HECW1: variants seen among roughly 807,000 people sequenced by gnomAD.
HECW1 encodes the protein HECT, C2 and WW domain containing E3 ubiquitin protein ligase 1, also known as E3 ubiquitin-protein ligase HECW1.
Under a neutral mutation model 182.3 loss-of-function variants are expected in HECW1, and 61 were observed. That is an observed-to-expected ratio of 0.33 (90% CI 0.27 to 0.41). The LOEUF (loss-of-function observed/expected upper bound fraction) is 0.41, where lower values mean the gene tolerates loss of function less well. HECW1 is among the 10% of genes least tolerant of loss of function. The probability of loss-of-function intolerance (pLI) is 1.00; values close to 1 mark genes in which losing one functional copy is unlikely to be tolerated. For synonymous variants in HECW1, 859 were observed against 832.6 expected (o/e 1.03, Z -0.55); for missense variants, 1,739 against 2,108.9 (o/e 0.82, Z 3.44).
chr7:43,274,309 T>G lies in HECW1; in HGVS notation c.27+30377T>G. On this transcript the variant is annotated intron_variant, in intron 3 of 29. Coordinates refer to ENST00000395891, the MANE Select transcript of HECW1 (RefSeq NM_015052.5). ...CCGCTTCTGGTACTTTGTATCTCAG[T>G]TAAAGAAGATGAAGATGACTTCAGG... is the stretch of plus-strand genomic sequence containing the variant. 3 of 1,036,698 alleles carry G rather than the reference T, an allele frequency of 2.9e-6. No individual in the cohort carries two copies. The South Asian group carries it at 5.1e-5, about 18-fold the overall frequency. The allele number at this position is 1,036,698 out of a possible 1,614,324, so 64.2% of individuals were successfully genotyped here. A position where few individuals can be genotyped will look rare whatever the true frequency, so the allele number is the denominator to read the frequency against.
Position 43,291,087 on chromosome 7 carries a change from C to T in HECW1, c.28-20676C>T, listed in dbSNP as rs75552906. ...TTTCTCCTCCACGCTGTTATATGTA[C>T]AATGTTTATTTAGAAACAGAATGCT... is the stretch of plus-strand genomic sequence containing the variant. On this transcript the variant is annotated intron_variant, in intron 3 of 29. Transcript: ENST00000395891. Among the ~76,000 whole-genome samples, 43 of 152,340 alleles carry T rather than the reference C, an allele frequency of 2.8e-4. 1 individual carries two copies. In the East Asian group the frequency reaches 7.5e-3, roughly 27 times the overall value.
chr7:43,458,445 A>G (rs1001381803), intron 13 of HECW1, among the ~76,000 whole-genome samples: 3 of 152,362 alleles, frequency 2.0e-5, no homozygotes, highest in South Asian at 4.1e-4. Context: ...AATAAGTTTT[A>G]TAGCCTTTGA....
chr7:43,338,379 T>C (rs1291023085), intron 5 of HECW1, among the ~76,000 whole-genome samples: 3 of 152,222 alleles, frequency 2.0e-5, no homozygotes, highest in Non-Finnish European at 4.4e-5. Context: ...TTTATTAGTC[T>C]TTTCAAAGAT....
At chr7:43,154,507 A>G (rs1018576391) in intron 2 of HECW1, among the ~76,000 whole-genome samples, 1 of 152,180 alleles carries the variant, frequency 6.6e-6, no homozygotes, top group African/African-American at 2.4e-5. Context: ...TCTCCAGTGA[A>G]TTATATTCTC....
intron 3 of HECW1, among the ~76,000 whole-genome samples, chr7:43,253,271 G>A (rs940755408): frequency 7.2e-5 from 11 of 152,128 alleles, no homozygotes; most frequent in African/African-American, 2.7e-4. Context: ...AGAACTGAAC[G>A]GTAGCATGAA....
chr7:43,382,437 T>G (rs2074595722), intron 6 of HECW1, among the ~76,000 whole-genome samples: 1 of 152,232 alleles, frequency 6.6e-6, no homozygotes, highest in South Asian at 2.1e-4. Context: ...TTTTGTGAGC[T>G]TTTCTATAAT....
Position 43,500,800 on chromosome 7 carries a change from A to T in HECW1, c.3521+18A>T. On this transcript the variant is annotated intron_variant, in intron 20 of 29. Coordinates refer to ENST00000395891, the MANE Select transcript of HECW1 (RefSeq NM_015052.5). ...TTGCTGAGGTAGGGGGCTAGGCCTG[A>T]AATCCTTCTGGAAAAGCTTCCCTGG... is the stretch of plus-strand genomic sequence containing the variant. 6.2e-7 allele frequency: 1 copy of T among 1,606,674 alleles called. No individual in the cohort carries two copies. Among genetic ancestry groups the T allele is most frequent in the South Asian group, 1.1e-5 (1 of 90,950 alleles).
intron 24 of HECW1, chr7:43,511,266 A>G (rs2079853462): frequency 1.3e-5 from 2 of 152,232 alleles, no homozygotes; most frequent in South Asian, 4.1e-4. Context: ...TTTGTGGTGC[A>G]TCCTGGAAAC....
rs765994034 is a variant in HECW1, at chr7:43,404,869, G to A, written c.632-2693G>A. 2.6e-5 allele frequency among the ~76,000 whole-genome samples: 4 copies of A among 152,084 alleles called. No individual in the cohort carries two copies. In the South Asian group the frequency reaches 6.2e-4, roughly 24 times the overall value. On this transcript the variant is annotated intron_variant, in intron 7 of 29. Transcript: ENST00000395891. ...TGAGTACCTGTAATCCCAGCTACTCGGTAGGTTGAGGCAGGAGAATTGCTT... is the reference window on the plus strand; with the variant it reads ...TGAGTACCTGTAATCCCAGCTACTCAGTAGGTTGAGGCAGGAGAATTGCTT...
intron 10 of HECW1, among the ~76,000 whole-genome samples, chr7:43,443,271 T>C (rs1404535109): frequency 1.3e-5 from 2 of 152,226 alleles, no homozygotes; most frequent in East Asian, 3.8e-4. Context: ...CATTTACAAG[T>C]TGCTGTTAAG....
chr7:43,266,573 A>G (rs1174903030), intron 3 of HECW1, among the ~76,000 whole-genome samples: 2 of 152,098 alleles, frequency 1.3e-5, no homozygotes, highest in Non-Finnish European at 2.9e-5. Flanking sequence ...CGACCTCATG[A>G]TCCACCCGCC....
chr7:43,445,494 C>T lies in HECW1; in HGVS notation c.2322C>T (p.Ala774=), dbSNP rs926765354. Residue 774 remains alanine (A), a synonymous_variant, in exon 11 of 30, where the codon GCC becomes GCT. Transcript: ENST00000395891. ...CTGGGCCGTGGCAAGACGAGCTGGC[C>T]GCCCCTAGCGGGCACGTGGAAAGAA... ...NGAGPWQDEL[A]APSGHVERSP... is the part of the protein sequence containing the mutation. 9.9e-6 allele frequency: 16 copies of T among 1,611,588 alleles called. No individual in the cohort carries two copies. Among genetic ancestry groups the T allele is most frequent in the Non-Finnish European group, 1.4e-5 (16 of 1,178,946 alleles).
intron 2 of HECW1, among the ~76,000 whole-genome samples, chr7:43,153,185 G>C (rs148456567): frequency 8.3e-4 from 126 of 152,092 alleles, no homozygotes; most frequent in African/African-American, 2.2e-3. Context: ...TAAAACCACT[G>C]ATCTCCATCA....
chr7:43,338,823 T>TAA (rs529051887), intron 5 of HECW1, among the ~76,000 whole-genome samples: 76 of 138,436 alleles, frequency 5.5e-4, no homozygotes, highest in Non-Finnish European at 8.3e-4. Context: ...CATTTTCCTC[T>TAA]AAAAAAAAAA....
chr7:43,531,128 C>G (rs1201479486), intron 24 of HECW1, among the ~76,000 whole-genome samples: 2 of 152,236 alleles, frequency 1.3e-5, no homozygotes, highest in Admixed American at 1.3e-4. Flanking sequence ...TCTTTCCTGA[C>G]TCTTTTCCGA....
intron 2 of HECW1, among the ~76,000 whole-genome samples, chr7:43,120,729 C>T (rs767777388): frequency 6.6e-6 from 1 of 152,204 alleles, no homozygotes. Flanking sequence ...CTACAACCTC[C>T]GCCTCCCAGG....
chr7:43,482,344 G>A (rs370684453), intron 17 of HECW1, among the ~76,000 whole-genome samples: 12 of 152,316 alleles, frequency 7.9e-5, no homozygotes, highest in African/African-American at 2.9e-4. Context: ...GAGGGGAGTG[G>A]GTGGTAGGAA....
chr7:43,269,339 G>A (rs1802130474), intron 3 of HECW1, among the ~76,000 whole-genome samples: 1 of 152,224 alleles, frequency 6.6e-6, no homozygotes, highest in African/African-American at 2.4e-5. Flanking sequence ...GTCTGCAGCA[G>A]TTTGAAGTTG....
At chr7:43,138,326 A>T (rs369382039) in intron 2 of HECW1, among the ~76,000 whole-genome samples, 2 of 152,228 alleles carry the variant, frequency 1.3e-5, no homozygotes, top group African/African-American at 4.8e-5. Context: ...TGATGATTAA[A>T]TATCTCTTTA....
Sources: gnomAD v4.1 joint callset for allele counts (sites outside exome capture counted in the v4.1 genomes callset) on GRCh38, gnomAD v4.1.1 for gene constraint, MANE v1.5 for transcripts, NCBI Gene and HGNC (gene_info 2026-07-23, HGNC 2026-07-21) for gene names.